The following KDM4B variants were observed in gnomAD, a reference collection of about 807,000 sequenced individuals.
The protein encoded by KDM4B is lysine-specific demethylase 4B.
KDM4B carries 32 observed loss-of-function variants against 125.2 expected under a neutral mutation model. That is an observed-to-expected ratio of 0.26 (90% CI 0.19 to 0.34). The LOEUF (loss-of-function observed/expected upper bound fraction) is 0.34. Among genes scored for constraint, KDM4B ranks in the 10% least tolerant of loss-of-function variants. The pLI is 1.00. For synonymous variants in KDM4B, 721 were observed against 677.9 expected (o/e 1.06, Z -0.99); for missense variants, 1,190 against 1,577.7 (o/e 0.75, Z 4.16).
intron 15 of KDM4B, among the ~76,000 whole-genome samples, chr19:5,136,157 G>A (rs1167157418): frequency 6.6e-6 from 1 of 152,240 alleles, no homozygotes; most frequent in Non-Finnish European, 1.5e-5. Context: ...CAAGGCCTGG[G>A]AGGCGACAGG....
rs1022942089 is a variant in KDM4B, at chr19:5,117,248, G to A, written c.1116-2405G>A. Among the ~76,000 whole-genome samples, 26 of 151,886 alleles carry A rather than the reference G, an allele frequency of 1.7e-4. 1 individual carries two copies. Among genetic ancestry groups the A allele is most frequent in the Admixed American group, 1.7e-3 (26 of 15,272 alleles). On this transcript the variant is annotated intron_variant, in intron 10 of 22. Coordinates refer to ENST00000159111, the MANE Select transcript of KDM4B (RefSeq NM_015015.3). ...GCAGACACAGTAAGGCTTGAAGGCCGTGGGGGTGCCCCTGGAAGGCTGCAG... is the reference window on the plus strand; with the variant it reads ...GCAGACACAGTAAGGCTTGAAGGCCATGGGGGTGCCCCTGGAAGGCTGCAG...
chr19:4,984,940 G>C (rs1389361693), intron 1 of KDM4B, among the ~76,000 whole-genome samples: 1 of 152,174 alleles, frequency 6.6e-6, no homozygotes, highest in Non-Finnish European at 1.5e-5. Context: ...TGCAGCCTTC[G>C]GGATCTGCTG....
intron 1 of KDM4B, among the ~76,000 whole-genome samples, chr19:4,984,444 TG>T (rs1338097690): frequency 6.6e-6 from 1 of 152,124 alleles, no homozygotes; most frequent in Non-Finnish European, 1.5e-5. Context: ...TTTATTATAA[TG>T]GGGCAGCCAG....
chr19:5,016,085 A>T (rs1469098046), intron 1 of KDM4B, among the ~76,000 whole-genome samples, 172 bp from the exon 2 acceptor site: 1 of 152,214 alleles, frequency 6.6e-6, no homozygotes, highest in Non-Finnish European at 1.5e-5. Flanking sequence ...TTGACTGGGT[A>T]AAGTGCTTAT....
chr19:5,064,010 G>T (rs2037688151), intron 6 of KDM4B, among the ~76,000 whole-genome samples: 1 of 152,232 alleles, frequency 6.6e-6, no homozygotes, highest in Non-Finnish European at 1.5e-5. Flanking sequence ...CCTGTAGCCG[G>T]CTTGCTCTCC....
At chr19:5,019,270 A>AGG (rs2035995184) in intron 2 of KDM4B, among the ~76,000 whole-genome samples, 1 of 43,062 alleles carries the variant, frequency 2.3e-5, no homozygotes. Flanking sequence ...GTTGGTGTGG[A>AGG]TGTTGGTGTG....
intron 9 of KDM4B, among the ~76,000 whole-genome samples, chr19:5,106,321 ATTCC>A (rs1421678885): frequency 1.3e-5 from 2 of 152,122 alleles, no homozygotes; most frequent in Non-Finnish European, 2.9e-5. Flanking sequence ...ACATCTTTGA[ATTCC>A]TTCCTTCCTT....
intron 1 of KDM4B, among the ~76,000 whole-genome samples, chr19:4,978,490 G>A (rs944210050): frequency 6.6e-5 from 8 of 120,806 alleles, no homozygotes; most frequent in African/African-American, 2.2e-4. Context: ...CTGCACAATG[G>A]AGTGAGACTC....
At chr19:5,125,925 C>T (rs1378991716) in intron 11 of KDM4B, among the ~76,000 whole-genome samples, 1 of 152,224 alleles carries the variant, frequency 6.6e-6, no homozygotes, top group Non-Finnish European at 1.5e-5. Context: ...AGAGGTTTAT[C>T]TCGAGAGAGC....
At chr19:5,103,161 T>G (rs1207242400) in intron 9 of KDM4B, among the ~76,000 whole-genome samples, 1 of 152,138 alleles carries the variant, frequency 6.6e-6, no homozygotes, top group Non-Finnish European at 1.5e-5. Flanking sequence ...GTGTGCCTCC[T>G]GCAGGCACCG....
intron 1 of KDM4B, among the ~76,000 whole-genome samples, chr19:5,011,829 C>A (rs190725242): frequency 2.2e-4 from 34 of 152,330 alleles, no homozygotes; most frequent in Non-Finnish European, 4.3e-4. Flanking sequence ...TTGGGGGGTT[C>A]TTGGGGGCCA....
At chr19:5,077,500 G>C in intron 8 of KDM4B, 30 bp downstream of exon 8, 1 of 1,580,270 alleles carries the variant, frequency 6.3e-7, no homozygotes, top group Non-Finnish European at 8.7e-7. Flanking sequence ...GCACGCCTGT[G>C]GGTGAAGTGG....
chr19:5,020,313 G>GGGTGTTGGTGTGCA (rs1355735633), intron 2 of KDM4B, among the ~76,000 whole-genome samples: 1 of 142,650 alleles, frequency 7.0e-6, no homozygotes, highest in Non-Finnish European at 1.6e-5. Context: ...GTGTTGGTGT[G>GGGTGTTGGTGTGCA]GGTGTTGGTG....
At chr19:5,112,126 G>C (rs1268909938) in intron 10 of KDM4B, 1 of 343,694 alleles carries the variant, frequency 2.9e-6, no homozygotes, top group Non-Finnish European at 5.5e-6. Context: ...GGTGGTGTGC[G>C]CCTGTGGTCC....
chr19:5,059,411 C>G (rs868144191), intron 6 of KDM4B, among the ~76,000 whole-genome samples: 1 of 152,180 alleles, frequency 6.6e-6, no homozygotes, highest in Non-Finnish European at 1.5e-5. Flanking sequence ...GGGCTCGGGC[C>G]GCTTGTTCTC....
At chr19:4,993,218 TG>T (rs2035083590) in intron 1 of KDM4B, among the ~76,000 whole-genome samples, 1 of 152,152 alleles carries the variant, frequency 6.6e-6, no homozygotes, top group African/African-American at 2.4e-5. Flanking sequence ...GAGACCAGCC[TG>T]GCCAACAAGG....
At chr19:5,070,494 A>G (rs2037912484) in intron 6 of KDM4B, 1 of 153,026 alleles carries the variant, frequency 6.5e-6, no homozygotes, top group South Asian at 2.1e-4. Flanking sequence ...TCGGTGACAA[A>G]TGCAGCTTTT....
intron 11 of KDM4B, among the ~76,000 whole-genome samples, chr19:5,127,570 T>G (rs987404343): frequency 2.0e-5 from 3 of 152,140 alleles, no homozygotes; most frequent in African/African-American, 7.2e-5. Context: ...AGACAGGGGA[T>G]GGGGTGGCAC....
In KDM4B at chr19:5,081,189, A is replaced by G. The variant is rs1041635160; in HGVS notation, c.781-1178A>G. Among the ~76,000 whole-genome samples the G allele has an allele frequency of 2.6e-5, 4 of 152,156 alleles. No individual in the cohort carries two copies. The highest frequency in any genetic ancestry group is 4.4e-5 in the Non-Finnish European group (3 of 68,018). On this transcript the variant is annotated intron_variant, in intron 8 of 22. Coordinates refer to ENST00000159111, the MANE Select transcript of KDM4B (RefSeq NM_015015.3). This position sits in a 1 kb window ranked among gnomAD's most constrained non-coding sequence, Gnocchi z 4.2. The stretch of plus-strand genomic sequence containing the variant: ...AAGATGAGGAGCCCACTTGACTTCA[A>G]GGATTCTAGTTCATGAGCCTCAGTT...
Sources: allele counts gnomAD v4.1 joint callset (sites outside exome capture counted in the v4.1 genomes callset), GRCh38; gene constraint gnomAD v4.1.1; non-coding constraint Gnocchi (gnomAD v3.1); transcripts MANE v1.5; gene names NCBI Gene and HGNC (gene_info 2026-07-23, HGNC 2026-07-21).